The following PCDH11X variants were observed in gnomAD, a reference collection of about 807,000 sequenced individuals.
PCDH11X encodes the protein protocadherin-11 X-linked.
A neutral mutation model predicts 53.3 loss-of-function variants in PCDH11X; 18 were observed. The observed-to-expected ratio is 0.34, with a 90% CI of 0.23 to 0.50. The LOEUF (loss-of-function observed/expected upper bound fraction) is 0.50, where lower values mean the gene tolerates loss of function less well. PCDH11X is among the 20% of genes least tolerant of loss of function. The probability of loss-of-function intolerance (pLI) is 0.98; values close to 1 mark genes in which losing one functional copy is unlikely to be tolerated. For missense variants in PCDH11X, 570 were observed against 1,032.4 expected (o/e 0.55, Z 6.14); for synonymous variants, 279 against 393.3 (o/e 0.71, Z 3.44).
chrX:92,364,336 A>C (rs1476324507), intron 8 of PCDH11X, among the ~76,000 whole-genome samples: 1 of 112,129 alleles, frequency 8.9e-6, no homozygotes, highest in Admixed American at 9.5e-5. Context: ...CCTGTACAGC[A>C]TGTTACTGTA....
At chrX:92,219,495 G>A (rs1054712961) in intron 7 of PCDH11X, among the ~76,000 whole-genome samples, 2 of 110,261 alleles carry the variant, frequency 1.8e-5, no homozygotes, top group South Asian at 3.9e-4. Flanking sequence ...TACAAGGGAC[G>A]TGAAGGCCCT....
chrX:91,836,651 T>C (rs1937313286), intron 5 of PCDH11X, among the ~76,000 whole-genome samples: 1 of 111,595 alleles, frequency 9.0e-6, no homozygotes, highest in South Asian at 3.7e-4. Context: ...TAATGTTAAA[T>C]ATTTTCATTT....
intron 6 of PCDH11X, among the ~76,000 whole-genome samples, chrX:92,150,776 A>G (rs2065418530): frequency 9.1e-6 from 1 of 110,297 alleles, no homozygotes; most frequent in Non-Finnish European, 1.9e-5. Flanking sequence ...GATTTATTCC[A>G]AAAGGATTTT....
In PCDH11X at chrX:92,136,471, T is replaced by A. The variant is rs771828248; in HGVS notation, c.3034-64904T>A. On this transcript the variant is annotated intron_variant, in intron 6 of 10. Coordinates refer to ENST00000682573, the MANE Select transcript of PCDH11X (RefSeq NM_032968.5). ...ATAATTTTTACATGTATTAAATGGT[T>A]AAAAAATAAGCCCAAGAAAAATGTT... Among the ~76,000 whole-genome samples, 457 of 108,919 alleles carry A rather than the reference T, an allele frequency of 4.2e-3. 3 individuals are homozygous for A. Among genetic ancestry groups the A allele is most frequent in the Middle Eastern group, 9.3e-3 (2 of 215 alleles). The allele number at this position is 108,919 out of a possible 115,157, so 94.6% of individuals were successfully genotyped here.
At chrX:92,218,431 A>G (rs2066773349) in intron 7 of PCDH11X, among the ~76,000 whole-genome samples, 1 of 111,797 alleles carries the variant, frequency 8.9e-6, no homozygotes. Context: ...CTATGAAAAT[A>G]AACTAGAAAA....
intron 6 of PCDH11X, among the ~76,000 whole-genome samples, chrX:92,140,240 TAAAAAG>T (rs2065157338): frequency 9.0e-6 from 1 of 111,350 alleles, no homozygotes; most frequent in African/African-American, 3.2e-5. Flanking sequence ...ATGTATATAT[TAAAAAG>T]GAAGAGGTAT....
At position 92,481,610 on chromosome X, in the gene PCDH11X, A is replaced by T. The variant is rs2073508413; in HGVS notation, c.3367+13288A>T. 2.7e-5 allele frequency among the ~76,000 whole-genome samples: 3 copies of T among 110,862 alleles called. No homozygotes were observed. In the South Asian group the frequency reaches 1.2e-3, roughly 43 times the overall value. ...CAGGCCAGCAGACCAAGGGGTGCGC[A>T]GGTTGGACCATCCCCTTCTGATGGG... On this transcript the variant is annotated intron_variant, in intron 10 of 10. Coordinates refer to ENST00000682573, the MANE Select transcript of PCDH11X (RefSeq NM_032968.5).
At chrX:92,405,817 G>T (rs2071493710) in intron 9 of PCDH11X, among the ~76,000 whole-genome samples, 1 of 111,068 alleles carries the variant, frequency 9.0e-6, no homozygotes, top group African/African-American at 3.3e-5. Flanking sequence ...TTTCTAGGCC[G>T]GGCGCAGTGG....
chrX:92,593,161 G>T (rs1318709796), intron 10 of PCDH11X, among the ~76,000 whole-genome samples: 1 of 110,689 alleles, frequency 9.0e-6, no homozygotes, highest in Non-Finnish European at 1.9e-5. Context: ...AGGCAGGTCA[G>T]ATATGGTTTG....
At chrX:92,046,134 ATGT>A (rs2063285250) in intron 6 of PCDH11X, among the ~76,000 whole-genome samples, 1 of 111,359 alleles carries the variant, frequency 9.0e-6, no homozygotes, top group African/African-American at 3.3e-5. Context: ...TAGTGATATC[ATGT>A]TGTTAGCTTG....
At chrX:92,394,728 T>G (rs1184097779) in intron 9 of PCDH11X, among the ~76,000 whole-genome samples, 1 of 111,959 alleles carries the variant, frequency 8.9e-6, no homozygotes, top group Non-Finnish European at 1.9e-5. Flanking sequence ...ATGTAGCATT[T>G]GGGTGACTTG....
At chrX:92,003,833 C>A (rs1345890789) in intron 6 of PCDH11X, among the ~76,000 whole-genome samples, 6 of 109,685 alleles carry the variant, frequency 5.5e-5, no homozygotes, top group Admixed American at 9.8e-5. Context: ...TTTTAAAAAA[C>A]CAGCATTTTT....
At chrX:91,962,171 G>A (rs2061797283) in intron 6 of PCDH11X, among the ~76,000 whole-genome samples, 1 of 107,645 alleles carries the variant, frequency 9.3e-6, no homozygotes, top group Admixed American at 9.9e-5. Flanking sequence ...ACTTATTCCT[G>A]TATTAAACCA....
intron 8 of PCDH11X, among the ~76,000 whole-genome samples, chrX:92,289,354 C>G (rs1412543862): frequency 9.0e-6 from 1 of 111,060 alleles, no homozygotes; most frequent in African/African-American, 3.3e-5. Flanking sequence ...GTTGTTTTTT[C>G]TATTGGAAAT....
At chrX:92,509,126 A>G (rs1215422875) in intron 10 of PCDH11X, among the ~76,000 whole-genome samples, 1 of 102,977 alleles carries the variant, frequency 9.7e-6, no homozygotes, top group African/African-American at 3.5e-5. Flanking sequence ...CAAAAGTGAC[A>G]GCAGTTACAG....
intron 7 of PCDH11X, among the ~76,000 whole-genome samples, chrX:92,207,544 T>C (rs2066497545): frequency 9.0e-6 from 1 of 111,625 alleles, no homozygotes; most frequent in Non-Finnish European, 1.9e-5. Flanking sequence ...AAAAAAATTA[T>C]TCTACTAAGA....
At chrX:92,393,924 C>T (rs774372754) in intron 9 of PCDH11X, among the ~76,000 whole-genome samples, 31 of 111,130 alleles carry the variant, frequency 2.8e-4, no homozygotes, top group African/African-American at 8.5e-4. Flanking sequence ...TTTAAACTGA[C>T]GTGCTTTTCA....
chrX:92,258,029 G>A (rs1009156503), intron 7 of PCDH11X, among the ~76,000 whole-genome samples: 1 of 112,119 alleles, frequency 8.9e-6, no homozygotes, highest in African/African-American at 3.2e-5. Flanking sequence ...TAAAATTCTA[G>A]GTAGTGGCTC....
Position 92,618,266 on chromosome X carries a change from G to A in PCDH11X, c.3370G>A (p.Ala1124Thr). 1 of 1,201,249 alleles carries A rather than the reference G, an allele frequency of 8.3e-7. No homozygotes were observed. The change falls in exon 11 of 11, where the codon GCA becomes ACA. Residue 1124 changes from alanine to threonine, a missense_variant and splice_region_variant. Around this residue, in one of 6 missense-constraint regions of PCDH11X, gnomAD observed 234 missense variants for 296.1 expected, o/e 0.79. Transcript: ENST00000682573. Reference protein sequence around the residue: ...STFIPGLKKAAEITVQPTVEE... With the variant: ...STFIPGLKKATEITVQPTVEE... ...TATTTTTTTCCTCACCCCAACAGCT[G>A]CAGAAATAACTGTTCAACCAACTGT...
Sources: gnomAD v4.1 joint callset for allele counts (sites outside exome capture counted in the v4.1 genomes callset) on GRCh38, gnomAD v4.1.1 for gene constraint, gnomAD v4.1.1 regional missense constraint, MANE v1.5 for transcripts, NCBI Gene and HGNC (gene_info 2026-07-23, HGNC 2026-07-21) for gene names.